Variants in CFDP1 observed in about 807,000 individuals in gnomAD.
The protein encoded by CFDP1 is heterochromatin-stabilizing protein CFDP1.
CFDP1 carries 31 observed loss-of-function variants against 40.1 expected under a neutral mutation model. The observed-to-expected ratio is 0.77, with a 90% CI of 0.58 to 1.04. The LOEUF is 1.04. CFDP1 is among the 50% of genes least tolerant of loss of function. The pLI is 0.00. For missense variants in CFDP1, 423 were observed against 343.4 expected (o/e 1.23, Z -1.83); for synonymous variants, 167 against 120.0 (o/e 1.39, Z -2.56).
chr16:75,396,113 C>A (rs1475284374), intron 4 of CFDP1, among the ~76,000 whole-genome samples: 1 of 103,600 alleles, frequency 9.7e-6, no homozygotes, highest in African/African-American at 2.9e-5. Flanking sequence ...TCACACTGCA[C>A]CCCACATGCA....
At chr16:75,382,781 T>G (rs1447631269) in intron 5 of CFDP1, among the ~76,000 whole-genome samples, 2 of 151,980 alleles carry the variant, frequency 1.3e-5, no homozygotes, top group Admixed American at 6.5e-5. Flanking sequence ...TTCCTAATTC[T>G]CACCTCTGGC....
intron 1 of CFDP1, among the ~76,000 whole-genome samples, chr16:75,423,242 C>T (rs991492600): frequency 3.4e-5 from 5 of 145,110 alleles, no homozygotes; most frequent in Non-Finnish European, 7.5e-5. Flanking sequence ...GATGGTGCCA[C>T]TGCACGCCAG....
intron 1 of CFDP1, among the ~76,000 whole-genome samples, chr16:75,423,847 G>T (rs1340689714): frequency 6.6e-6 from 1 of 152,152 alleles, no homozygotes; most frequent in Non-Finnish European, 1.5e-5. Flanking sequence ...TTACAGGCGT[G>T]AGCAACTGCA....
At chr16:75,400,970 A>G (rs2079046888) in intron 4 of CFDP1, among the ~76,000 whole-genome samples, 3 of 152,184 alleles carry the variant, frequency 2.0e-5, no homozygotes, top group Admixed American at 2.0e-4. Context: ...GCTTCCATAA[A>G]AAAGAGCCAC....
chr16:75,349,434 C>T (rs1009105577), intron 5 of CFDP1, among the ~76,000 whole-genome samples: 3 of 150,338 alleles, frequency 2.0e-5, no homozygotes, highest in East Asian at 2.0e-4. Context: ...CACTTGAACC[C>T]GGGAGTGGAG....
chr16:75,393,171 GC>G (rs1196019881), intron 5 of CFDP1, among the ~76,000 whole-genome samples: 1 of 152,102 alleles, frequency 6.6e-6, no homozygotes, highest in Non-Finnish European at 1.5e-5. Context: ...ACTCTCCTCA[GC>G]CCTCACTGTG....
At chr16:75,398,596 G>A (rs914525005) in intron 4 of CFDP1, among the ~76,000 whole-genome samples, 31 of 152,196 alleles carry the variant, frequency 2.0e-4, no homozygotes, top group African/African-American at 7.5e-4. Context: ...TCTCAAGAAT[G>A]CACCTTTGAA....
chr16:75,429,909 C>G (rs2079389712), intron 1 of CFDP1, among the ~76,000 whole-genome samples: 1 of 152,122 alleles, frequency 6.6e-6, no homozygotes, highest in African/African-American at 2.4e-5. Flanking sequence ...ATGCAGCCCT[C>G]AAGAGGTCCT....
chr16:75,392,499 T>C (rs557129545), intron 5 of CFDP1, among the ~76,000 whole-genome samples: 9 of 152,298 alleles, frequency 5.9e-5, no homozygotes, highest in African/African-American at 2.2e-4. Flanking sequence ...AAAACATTAT[T>C]TATTCTTTAT....
chr16:75,309,352 GC>G (rs2078278354), intron 5 of CFDP1, among the ~76,000 whole-genome samples: 1 of 152,010 alleles, frequency 6.6e-6, no homozygotes, highest in African/African-American at 2.4e-5. Context: ...TGGGCAGGGG[GC>G]GCTGACCCTA....
At chr16:75,341,878 G>A (rs1034526071) in intron 5 of CFDP1, among the ~76,000 whole-genome samples, 3 of 152,094 alleles carry the variant, frequency 2.0e-5, no homozygotes, top group African/African-American at 7.2e-5. Flanking sequence ...ACTCTAGCTG[G>A]AGCAATCAAA....
intron 5 of CFDP1, among the ~76,000 whole-genome samples, chr16:75,352,429 CCAAA>C (rs1429298725): frequency 4.0e-5 from 6 of 151,804 alleles, no homozygotes; most frequent in South Asian, 2.1e-4. Flanking sequence ...GAATTGGGAA[CCAAA>C]CAGAGAAGGA....
intron 1 of CFDP1, among the ~76,000 whole-genome samples, chr16:75,428,392 G>C (rs2151605144): frequency 6.6e-6 from 1 of 152,192 alleles, no homozygotes; most frequent in East Asian, 1.9e-4. Context: ...GAAGCAAGTG[G>C]ATCACAAGGT....
At chr16:75,414,831 C>T (rs1330418422) in intron 1 of CFDP1, 136 bp from the exon 2 acceptor site, 6 of 626,886 alleles carry the variant, frequency 9.6e-6, no homozygotes, top group East Asian at 2.7e-5. Context: ...CTTCACCTAA[C>T]GAAAACATCA....
At position 75,374,714 on chromosome 16, in the gene CFDP1, C is replaced by T. The variant is rs115814183; in HGVS notation, c.650+20376G>A. On this transcript the variant is annotated intron_variant, in intron 5 of 6. Transcript: ENST00000283882. ...TACCTAGTTTAAAAACATATTTTAG[C>T]CCTATTAAATATAAAAAGAAACAAC... Among the ~76,000 whole-genome samples, 919 of 151,928 alleles carry T rather than the reference C, an allele frequency of 6.0e-3. 11 individuals are homozygous for T. The highest frequency in any genetic ancestry group is 0.02 in the African/African-American group (829 of 41,462).
chr16:75,407,772 T>C (rs1412516964), intron 4 of CFDP1, among the ~76,000 whole-genome samples: 2 of 152,058 alleles, frequency 1.3e-5, no homozygotes, highest in African/African-American at 2.4e-5. Flanking sequence ...GATAAATCAT[T>C]GAAAATGGCT....
chr16:75,400,910 A>C (rs1270178928), intron 4 of CFDP1, among the ~76,000 whole-genome samples: 1 of 152,168 alleles, frequency 6.6e-6, no homozygotes, highest in Admixed American at 6.5e-5. Context: ...AACAGAAAAT[A>C]GGGGGAAGTT....
chr16:75,433,296 C>T lies in CFDP1; in HGVS notation c.57G>A (p.Val19=). Residue 19 remains valine (V), a synonymous_variant, in exon 1 of 7, where the codon GTG becomes GTA. Coordinates refer to ENST00000283882, the MANE Select transcript of CFDP1 (RefSeq NM_006324.3). ...FSTSEEDEDY[V]PSGGEYSEDD... is the part of the protein sequence containing the mutation. ...TCAGGCGGAATCGCTCACCCGACGGCACGTAGTCCTCGTCCTCCTCCGACG... is the reference window on the plus strand; with the variant it reads ...TCAGGCGGAATCGCTCACCCGACGGTACGTAGTCCTCGTCCTCCTCCGACG... 4.4e-6 allele frequency: 7 copies of T among 1,599,952 alleles called. No homozygotes were observed. The highest frequency in any genetic ancestry group is 5.1e-6 in the Non-Finnish European group (6 of 1,174,650).
rs187145305 is a variant in CFDP1, at chr16:75,334,627, G to C, written c.651-29445C>G. Among the ~76,000 whole-genome samples, 32 of 152,124 alleles carry C rather than the reference G, an allele frequency of 2.1e-4. No individual in the cohort carries two copies. The East Asian group carries it at 5.4e-3, about 26-fold the overall frequency. On this transcript the variant is annotated intron_variant, in intron 5 of 6. Coordinates refer to ENST00000283882, the MANE Select transcript of CFDP1 (RefSeq NM_006324.3). The stretch of plus-strand genomic sequence containing the variant: ...TGAAATCTGTCAAGACAAGGCTTAC[G>C]AAGAAACCAAAGCACAAGCTAAACC...
Sources: allele counts gnomAD v4.1 joint callset (sites outside exome capture counted in the v4.1 genomes callset), GRCh38; gene constraint gnomAD v4.1.1; transcripts MANE v1.5; gene names NCBI Gene and HGNC (gene_info 2026-07-23, HGNC 2026-07-21).